Variants in BRF1 observed in about 807,000 individuals in gnomAD.
BRF1 encodes the protein transcription factor IIIB 90 kDa subunit.
In BRF1, 59 loss-of-function variants were observed where a neutral mutation model predicts 81.7. That is an observed-to-expected ratio of 0.72 (90% CI 0.59 to 0.90). The LOEUF (loss-of-function observed/expected upper bound fraction) is 0.90. Among genes scored for constraint, BRF1 ranks in the 40% least tolerant of loss-of-function variants. The pLI, the probability that BRF1 is intolerant of heterozygous loss-of-function variation, is 0.00. For missense variants in BRF1, 1,050 were observed against 936.3 expected, an observed-to-expected ratio of 1.12 and a Z score of -1.58; for synonymous variants, 491 against 395.6, an observed-to-expected ratio of 1.24 and a Z score of -2.86.
At chr14:105,267,646 T>C (rs2056479349) in intron 3 of BRF1, among the ~76,000 whole-genome samples, 2 of 152,158 alleles carry the variant, frequency 1.3e-5, no homozygotes, top group Non-Finnish European at 2.9e-5. Flanking sequence ...TAATGATGTG[T>C]GCACCATTTG....
chr14:105,210,867 A>G lies in BRF1; in HGVS notation c.1996+255T>C, dbSNP rs1197801103. 6.6e-6 allele frequency among the ~76,000 whole-genome samples: 1 copy of G among 152,016 alleles called. No individual in the cohort carries two copies. Among genetic ancestry groups the G allele is most frequent in the Non-Finnish European group, 1.5e-5 (1 of 68,006 alleles). On this transcript the variant is annotated intron_variant, in intron 17 of 17. Transcript: ENST00000547530. This position sits in a 1 kb window ranked among gnomAD's most constrained non-coding sequence, Gnocchi z 4.7. ...TGTGCAGGTCCGTGGTGGTGTGCAG[A>G]TCCGGGAACCTCGTGCTGCTGGCTG...
chr14:105,258,397 G>A (rs1321194467), intron 3 of BRF1, among the ~76,000 whole-genome samples: 6 of 151,986 alleles, frequency 3.9e-5, no homozygotes, highest in South Asian at 2.1e-4. Flanking sequence ...GCTGAGGCAG[G>A]AGAATGGCGT....
chr14:105,273,337 G>A (rs947941965), intron 2 of BRF1, among the ~76,000 whole-genome samples: 11 of 152,162 alleles, frequency 7.2e-5, no homozygotes, highest in Non-Finnish European at 1.5e-4. Flanking sequence ...CAGCCCACCC[G>A]TCCCTTCTCA....
intron 7 of BRF1, 100 bp downstream of exon 7, chr14:105,228,720 G>A (rs587688808): frequency 3.0e-5 from 41 of 1,354,956 alleles, no homozygotes; most frequent in Middle Eastern, 3.8e-4. Context: ...GGCGGGGGAC[G>A]GCAGGGTCCC....
intron 15 of BRF1, among the ~76,000 whole-genome samples, chr14:105,216,471 C>T (rs587644374): frequency 6.6e-6 from 1 of 151,510 alleles, no homozygotes; most frequent in South Asian, 2.1e-4. Context: ...AGGACCAGTG[C>T]ATGGCTGATG....
chr14:105,221,638 C>T lies in BRF1; in HGVS notation c.1315+10G>A. On this transcript the variant is annotated intron_variant, in intron 11 of 17. Coordinates refer to ENST00000547530, the MANE Select transcript of BRF1 (RefSeq NM_001519.4). ...ACCTCAGCGTCCCCCAGGGCCCCAT[C>T]AGAACTCACTGGGGTCGCTGCTCTG... 6.2e-7 allele frequency: 1 copy of T among 1,607,146 alleles called. No homozygotes were observed. Among genetic ancestry groups the T allele is most frequent in the East Asian group, 2.2e-5 (1 of 44,840 alleles).
In BRF1 at chr14:105,226,712, C is replaced by G. The variant is rs1465825363; in HGVS notation, c.837G>C (p.Glu279Asp). The G allele has an allele frequency of 1.9e-6, 3 of 1,613,642 alleles. No individual in the cohort carries two copies. Among genetic ancestry groups the G allele is most frequent in the African/African-American group, 1.3e-5 (1 of 74,948 alleles). ...DTPTSQLTID[E>D]FMKIDLEEEC... is the part of the protein sequence containing the mutation. ...CCTCCTCCAGGTCGATCTTCATGAA[C>G]TCATCAATGGTCAACTGACTGGTGG... Residue 279 changes from glutamate (E) to aspartate (D), a missense_variant, in exon 8 of 18, where the codon GAG (glutamate) becomes GAC (aspartate). Transcript: ENST00000547530.
rs1889885139 is a variant in BRF1, at chr14:105,209,931, G to A, written c.*620C>T. 2 of 370,854 alleles carry A rather than the reference G, an allele frequency of 5.4e-6. No individual in the cohort carries two copies. Among genetic ancestry groups the A allele is most frequent in the Admixed American group, 4.3e-5 (1 of 23,208 alleles). 23.0% of individuals were successfully genotyped at this position (370,854 alleles called of 1,614,324 possible). On this transcript the variant is annotated 3_prime_UTR_variant, in exon 18 of 18. Transcript: ENST00000547530. The stretch of plus-strand genomic sequence containing the variant: ...CGGGGAGGGGGGTCTGGAGGAGGCA[G>A]GGGTGGGGGTGTCTGCCTCGGACGA...
chr14:105,255,768 C>CTG (rs2055835783), intron 4 of BRF1, among the ~76,000 whole-genome samples: 2 of 152,288 alleles, frequency 1.3e-5, no homozygotes, highest in East Asian at 3.9e-4. Context: ...AAAGTGCTTT[C>CTG]TGTGGTACCC....
chr14:105,294,515 TCATCCCAACAGA>T (rs1358195167), intron 1 of BRF1, among the ~76,000 whole-genome samples: 1 of 152,240 alleles, frequency 6.6e-6, no homozygotes, highest in Non-Finnish European at 1.5e-5. Flanking sequence ...ACTGTTGTTA[TCATCCCAACAGA>T]CATCCAAGTC....
At chr14:105,283,436 T>A (rs2057192697) in intron 2 of BRF1, among the ~76,000 whole-genome samples, 1 of 152,024 alleles carries the variant, frequency 6.6e-6, no homozygotes, top group Admixed American at 6.5e-5. Context: ...GAACCACCCA[T>A]CCCCAGTAAG....
rs371358624 is a variant in BRF1, at chr14:105,228,811, G to C, written c.788+9C>G. On this transcript the variant is annotated intron_variant, in intron 7 of 17. Coordinates refer to ENST00000547530, the MANE Select transcript of BRF1 (RefSeq NM_001519.4). ...TGTGGTCCCCATGCCATGAATGAGA[G>C]CCCCTCACCTCTTCCGCAGCGTGGA... The C allele has an allele frequency of 2.5e-5, 40 of 1,613,540 alleles. No individual in the cohort carries two copies. Among genetic ancestry groups the C allele is most frequent in the Non-Finnish European group, 2.6e-5 (31 of 1,179,928 alleles).
intron 5 of BRF1, chr14:105,250,609 G>C (rs143014258): frequency 1.1e-5 from 17 of 1,613,846 alleles, no homozygotes; most frequent in African/African-American, 4.0e-5. Context: ...AGTGCTCCTC[G>C]GACAGCACCA....
chr14:105,299,894 C>G (rs2057913253), intron 1 of BRF1, among the ~76,000 whole-genome samples: 2 of 152,236 alleles, frequency 1.3e-5, no homozygotes, highest in Non-Finnish European at 2.9e-5. Flanking sequence ...ACACAGAGAG[C>G]TGCAAATGAA....
intron 3 of BRF1, among the ~76,000 whole-genome samples, chr14:105,258,793 A>C (rs1225165484): frequency 1.3e-5 from 2 of 151,852 alleles, no homozygotes; most frequent in Non-Finnish European, 2.9e-5. Context: ...AGCGAGACTC[A>C]GTCTCAAAAA....
intron 5 of BRF1, chr14:105,247,623 GGACTGCGGTGACAGGTGCACCCAT>G: frequency 1.0e-6 from 1 of 985,386 alleles, no homozygotes; most frequent in Non-Finnish European, 1.2e-6. Context: ...GTTTAGCCCA[GGACTGCGGTGACAGGTGCACCCAT>G]GACCCGAGAT....
chr14:105,295,464 T>A (rs1017655203), intron 1 of BRF1, among the ~76,000 whole-genome samples: 1 of 151,380 alleles, frequency 6.6e-6, no homozygotes. Context: ...AAAAATTAGC[T>A]GGGTATAGTA....
chr14:105,240,839 C>T (rs1291069088), intron 6 of BRF1, among the ~76,000 whole-genome samples: 1 of 105,338 alleles, frequency 9.5e-6, no homozygotes, highest in Non-Finnish European at 2.0e-5. Flanking sequence ...ACACCACTAT[C>T]CGCGTAGTCG....
At chr14:105,247,397 T>C (rs1396535473) in intron 5 of BRF1, 3 of 985,332 alleles carry the variant, frequency 3.0e-6, no homozygotes, top group African/African-American at 1.7e-5. Flanking sequence ...AAATGATGAT[T>C]TGTGCACTCT....
Sources: allele counts gnomAD v4.1 joint callset (sites outside exome capture counted in the v4.1 genomes callset), GRCh38; gene constraint gnomAD v4.1.1; non-coding constraint Gnocchi (gnomAD v3.1); transcripts MANE v1.5; gene names NCBI Gene and HGNC (gene_info 2026-07-23, HGNC 2026-07-21).